CCDC170: variants seen among roughly 807,000 people sequenced by gnomAD.
CCDC170 encodes the protein coiled-coil domain containing 170.
A neutral mutation model predicts 72.6 loss-of-function variants in CCDC170; 69 were observed. The ratio of observed to expected loss-of-function variants is 0.95; its 90% CI spans 0.78 to 1.16. The LOEUF (loss-of-function observed/expected upper bound fraction) is 1.16. Ranked by LOEUF, CCDC170 falls within the 50% of genes most tolerant of loss-of-function variation. CCDC170 has a pLI of 0.00. For synonymous variants in CCDC170, 300 were observed against 303.9 expected (o/e 0.99, Z 0.13); for missense variants, 852 against 832.5 (o/e 1.02, Z -0.29).
chr6:151,583,614 C>T (rs146800858), intron 6 of CCDC170, among the ~76,000 whole-genome samples: 2 of 152,206 alleles, frequency 1.3e-5, no homozygotes, highest in Admixed American at 6.5e-5. Flanking sequence ...TGAGCCATCA[C>T]GTCCAGCTAA....
intron 9 of CCDC170, among the ~76,000 whole-genome samples, chr6:151,607,520 T>A (rs1170636553): frequency 4.6e-5 from 7 of 152,234 alleles, no homozygotes; most frequent in Non-Finnish European, 1.5e-5. Flanking sequence ...TGCTTCTAGA[T>A]GTAGGACTCA....
chr6:151,519,802 C>A (rs1381436052), intron 1 of CCDC170, among the ~76,000 whole-genome samples: 1 of 152,128 alleles, frequency 6.6e-6, no homozygotes, highest in Non-Finnish European at 1.5e-5. Context: ...CTGAAGTTGC[C>A]ATGACATTTG....
chr6:151,606,786 A>G (rs751926053), intron 9 of CCDC170, among the ~76,000 whole-genome samples: 14 of 152,162 alleles, frequency 9.2e-5, no homozygotes, highest in Admixed American at 2.0e-4. Flanking sequence ...TATTTGCTTT[A>G]TGTATCTGGG....
chr6:151,573,472 G>T lies in CCDC170; in HGVS notation c.1073G>T (p.Arg358Leu). ...GAGAAGATTCGAGAAATGGACAGCC[G>T]GGAAGAAAGCAGGGACCGGGTGAGT... Reference protein sequence around the residue: ...ILEKIREMDSREESRDRMVSQ... With the variant: ...ILEKIREMDSLEESRDRMVSQ... The change falls in exon 6 of 11, where the codon CGG becomes CTG. Residue 358 changes from arginine (R) to leucine (L), a missense_variant. By Grantham distance (102) the Arg-to-Leu change is moderately radical. Coordinates refer to ENST00000239374, the MANE Select transcript of CCDC170 (RefSeq NM_025059.4). 6.2e-7 allele frequency: 1 copy of T among 1,613,782 alleles called. No individual in the cohort carries two copies. The highest frequency in any genetic ancestry group is 1.7e-5 in the Admixed American group (1 of 60,016).
chr6:151,572,648 T>TG (rs1776234627), intron 5 of CCDC170, among the ~76,000 whole-genome samples: 5 of 102,698 alleles, frequency 4.9e-5, no homozygotes, highest in South Asian at 3.6e-4. Flanking sequence ...CCCTTCTCTG[T>TG]GTTTTTTTTT....
At chr6:151,526,646 G>T (rs1039245646) in intron 1 of CCDC170, among the ~76,000 whole-genome samples, 1 of 151,806 alleles carries the variant, frequency 6.6e-6, no homozygotes, top group Non-Finnish European at 1.5e-5. Flanking sequence ...CTCCTGAGTA[G>T]CTGGGATTAT....
intron 1 of CCDC170, among the ~76,000 whole-genome samples, chr6:151,523,616 G>T (rs889990233): frequency 6.6e-6 from 1 of 151,872 alleles, no homozygotes; most frequent in African/African-American, 2.4e-5. Flanking sequence ...AACCCAGGAG[G>T]TGGAGGTTGC....
intron 9 of CCDC170, among the ~76,000 whole-genome samples, chr6:151,601,075 A>G (rs1776701876): frequency 6.6e-6 from 1 of 152,194 alleles, no homozygotes; most frequent in African/African-American, 2.4e-5. Context: ...GCAATTTCCA[A>G]AAGAAAGAGG....
At chr6:151,548,565 A>G in intron 5 of CCDC170, 76 bp downstream of exon 5, 1 of 1,331,406 alleles carries the variant, frequency 7.5e-7, no homozygotes, top group Non-Finnish European at 1.0e-6. Context: ...GATGTCAGAT[A>G]AGTGCCCTAG....
intron 6 of CCDC170, among the ~76,000 whole-genome samples, chr6:151,582,275 A>AG (rs1409335477): frequency 1.3e-5 from 2 of 152,318 alleles, no homozygotes; most frequent in East Asian, 3.9e-4. Flanking sequence ...AACTTACCCC[A>AG]GCTTCTACAT....
rs187134563 is a variant in CCDC170 at position 151,570,528 on chromosome 6, T to C, written c.775-2646T>C. On this transcript the variant is annotated intron_variant, in intron 5 of 10. Coordinates refer to ENST00000239374, the MANE Select transcript of CCDC170 (RefSeq NM_025059.4). ...ACAGTGTATTTGGTATTATAAGTAA[T>C]CTAGAGATGATTTAAAGTATACAGA... Among the ~76,000 whole-genome samples, 46 of 152,318 alleles carry C rather than the reference T, an allele frequency of 3.0e-4. No homozygotes were observed. In the East Asian group the frequency reaches 8.7e-3, roughly 29 times the overall value.
Position 151,540,373 on chromosome 6 carries a change from C to CTTTTTTTTTTTTT in CCDC170, c.443+2089_443+2101dup, listed in dbSNP as rs779650559. Reference sequence around the variant, plus strand: ...CCTCCTCCTCCTTCTTCTGCTGCTGCTTTTTTTTTTTTTTTTTTTTTTTTT... The same window carrying CTTTTTTTTTTTTT: ...CCTCCTCCTCCTTCTTCTGCTGCTGCTTTTTTTTTTTTTTTTTTTTTTTTTTTTTTTTTTTTTT... On this transcript the variant is annotated intron_variant, in intron 3 of 10. Coordinates refer to ENST00000239374, the MANE Select transcript of CCDC170 (RefSeq NM_025059.4). 5.7e-3 allele frequency among the ~76,000 whole-genome samples: 218 copies of CTTTTTTTTTTTTT among 37,982 alleles called. 71 individuals are homozygous for CTTTTTTTTTTTTT. Among genetic ancestry groups the CTTTTTTTTTTTTT allele is most frequent in the Non-Finnish European group, 8.1e-3 (167 of 20,510 alleles). The allele number at this position is 37,982 out of a possible 152,430, so 24.9% of individuals were successfully genotyped here. A position where few individuals can be genotyped will look rare whatever the true frequency, so the allele number is the denominator to read the frequency against.
intron 2 of CCDC170, among the ~76,000 whole-genome samples, chr6:151,537,029 G>A (rs1321604663): frequency 1.3e-5 from 2 of 152,084 alleles, no homozygotes; most frequent in African/African-American, 4.8e-5. Context: ...GTTAAGTAAA[G>A]CTCCATGGGC....
chr6:151,497,950 C>G (rs1368829307), intron 1 of CCDC170, among the ~76,000 whole-genome samples: 1 of 86,986 alleles, frequency 1.1e-5, no homozygotes, highest in Non-Finnish European at 2.0e-5. Flanking sequence ...AACACACCAT[C>G]TCAAAAAAAA....
intron 1 of CCDC170, among the ~76,000 whole-genome samples, chr6:151,521,886 T>C (rs1782321795): frequency 6.7e-6 from 1 of 148,656 alleles, no homozygotes; most frequent in East Asian, 2.0e-4. Context: ...CTCAGGAGGC[T>C]GAGGCAGGAG....
Position 151,615,462 on chromosome 6 carries a change from C to T in CCDC170, c.1730C>T (p.Thr577Ile), listed in dbSNP as rs1776948740. 2 of 1,613,606 alleles carry T rather than the reference C, an allele frequency of 1.2e-6. No individual in the cohort carries two copies. The highest frequency in any genetic ancestry group is 2.7e-5 in the African/African-American group (2 of 75,006). The change falls in exon 10 of 11, where the codon ACT becomes ATT. Residue 577 changes from threonine to isoleucine, a missense_variant. Thr to Ile is a moderately conservative substitution (Grantham distance 89). Transcript: ENST00000239374. ...TTCTAGATTAAAACTTTGGAACAGA[C>T]TAAAGCCATTGAAGATCTAAACAAA... Reference protein sequence around the residue: ...NELKIKTLEQTKAIEDLNKSR... With the variant: ...NELKIKTLEQIKAIEDLNKSR...
chr6:151,592,543 A>G (rs193175810), intron 7 of CCDC170, among the ~76,000 whole-genome samples: 1 of 152,288 alleles, frequency 6.6e-6, no homozygotes, highest in Non-Finnish European at 1.5e-5. Flanking sequence ...GAGCCAAGCA[A>G]AAGGGGTTTT....
At chr6:151,522,405 T>C (rs571979265) in intron 1 of CCDC170, among the ~76,000 whole-genome samples, 15 of 152,312 alleles carry the variant, frequency 9.8e-5, no homozygotes, top group Admixed American at 8.5e-4. Flanking sequence ...CTTAACTTCC[T>C]TGTAAAGGAA....
intron 5 of CCDC170, among the ~76,000 whole-genome samples, chr6:151,557,577 G>A (rs79404300): frequency 0.018 from 2,811 of 152,122 alleles, 100 homozygotes; most frequent in African/African-American, 0.064. Flanking sequence ...CTGGATGTGT[G>A]GTATTTACAT....
Sources: gnomAD v4.1 joint callset for allele counts (sites outside exome capture counted in the v4.1 genomes callset) on GRCh38, gnomAD v4.1.1 for gene constraint, MANE v1.5 for transcripts, NCBI Gene and HGNC (gene_info 2026-07-23, HGNC 2026-07-21) for gene names.